CAST: variants seen among roughly 807,000 people sequenced by gnomAD.
The protein encoded by CAST is calpastatin, also known as MIR583 host.
In CAST, 76 loss-of-function variants were observed where a neutral mutation model predicts 119.6. The observed-to-expected ratio is 0.64, with a 90% CI of 0.53 to 0.77. The LOEUF is 0.77. Among genes scored for constraint, CAST ranks in the 30% least tolerant of loss-of-function variants. The pLI is 0.00. For missense variants in CAST, 953 were observed against 946.5 expected (o/e 1.01, Z -0.09); for synonymous variants, 319 against 331.6 (o/e 0.96, Z 0.41).
rs987962064 is a variant in CAST at position 96,734,282 on chromosome 5, T to G, written c.631-1890T>G. Among the ~76,000 whole-genome samples, 2 of 152,196 alleles carry G rather than the reference T, an allele frequency of 1.3e-5. 1 individual carries two copies. Among genetic ancestry groups the G allele is most frequent in the South Asian group, 4.1e-4 (2 of 4,826 alleles). ...TAAGGTGAATTTGTACATGTGGTGATTCAGCTGACAGCGGGTAGCCTTTGA... is the reference window on the plus strand; with the variant it reads ...TAAGGTGAATTTGTACATGTGGTGAGTCAGCTGACAGCGGGTAGCCTTTGA... On this transcript the variant is annotated intron_variant, in intron 9 of 31. Coordinates refer to ENST00000675179, the MANE Select transcript of CAST (RefSeq NM_001750.7).
intron 1 of CAST, among the ~76,000 whole-genome samples, chr5:96,543,079 C>T (rs1420515291): frequency 6.6e-6 from 1 of 152,144 alleles, no homozygotes; most frequent in Non-Finnish European, 1.5e-5. Context: ...AAGACACATG[C>T]ACACATATGT....
chr5:96,376,443 T>TA, the CAST span, among the ~76,000 whole-genome samples: 1 of 151,980 alleles, frequency 6.6e-6, no homozygotes, highest in African/African-American at 2.4e-5. Flanking sequence ...TTCTATTTTT[T>TA]TTTTTTTATT....
chr5:96,629,778 T>C (rs1012532063), intron 1 of CAST, among the ~76,000 whole-genome samples: 1 of 152,244 alleles, frequency 6.6e-6, no homozygotes, highest in Non-Finnish European at 1.5e-5. Flanking sequence ...CTGGGAGAAA[T>C]GTTTTCTTCA....
chr5:96,487,020 G>C, the CAST span, among the ~76,000 whole-genome samples: 1 of 152,212 alleles, frequency 6.6e-6, no homozygotes, highest in Non-Finnish European at 1.5e-5. Flanking sequence ...ACCTTAACTG[G>C]GAGTAGACTC....
intron 3 of CAST, among the ~76,000 whole-genome samples, chr5:96,709,337 C>G (rs888744515): frequency 1.1e-4 from 16 of 152,208 alleles, no homozygotes; most frequent in Non-Finnish European, 1.9e-4. Flanking sequence ...TTAGAGAATT[C>G]AATTCCTAGT....
chr5:96,763,260 C>T, intron 25 of CAST: 2 of 780,604 alleles, frequency 2.6e-6, no homozygotes, highest in South Asian at 1.3e-5. Context: ...AATGACAAAG[C>T]CCAGACCTGG....
At chr5:96,018,883 C>T in the CAST span, among the ~76,000 whole-genome samples, 4 of 152,160 alleles carry the variant, frequency 2.6e-5, no homozygotes, top group Admixed American at 1.3e-4. Context: ...TGTTAGTGTT[C>T]CATCAAGTTT....
chr5:96,589,589 G>A (rs1459657189), intron 1 of CAST, among the ~76,000 whole-genome samples: 1 of 152,058 alleles, frequency 6.6e-6, no homozygotes, highest in Non-Finnish European at 1.5e-5. Context: ...CTCTGAATCT[G>A]CATTCATTGA....
At chr5:96,410,993 G>A in the CAST span, 2 of 1,599,178 alleles carry the variant, frequency 1.3e-6, no homozygotes, top group East Asian at 4.5e-5. Flanking sequence ...TCCCCTAAAG[G>A]AAAAGCCAGA....
intron 1 of CAST, among the ~76,000 whole-genome samples, chr5:96,609,259 T>C (rs939281864): frequency 2.6e-5 from 4 of 152,246 alleles, no homozygotes; most frequent in African/African-American, 4.8e-5. Context: ...AATATCATTT[T>C]CTTTTAGAGA....
chr5:96,774,396 A>ATAAC lies in CAST; in HGVS notation c.*1784_*1787dup, dbSNP rs1249253199. On this transcript the variant is annotated 3_prime_UTR_variant, in exon 32 of 32. Transcript: ENST00000675179. ...ATCTTCGAGACTTGGGTGTTTGTTA[A>ATAAC]TAACTAATAACTGGAGTAAGCTACA... 6.4e-6 allele frequency: 3 copies of ATAAC among 469,854 alleles called. No individual in the cohort carries two copies. Among genetic ancestry groups the ATAAC allele is most frequent in the South Asian group, 9.0e-5 (1 of 11,116 alleles). The allele number at this position is 469,854 out of a possible 1,614,324, so 29.1% of individuals were successfully genotyped here. A position where few individuals can be genotyped will look rare whatever the true frequency, so the allele number is the denominator to read the frequency against.
At chr5:96,128,036 C>T in the CAST span, among the ~76,000 whole-genome samples, 2 of 152,082 alleles carry the variant, frequency 1.3e-5, no homozygotes, top group African/African-American at 4.8e-5. Context: ...AGGTAATTTC[C>T]TGTCTGGGAA....
chr5:96,453,747 A>G, the CAST span, among the ~76,000 whole-genome samples: 113 of 152,350 alleles, frequency 7.4e-4, no homozygotes, highest in Middle Eastern at 3.4e-3. Context: ...AAATGTTGAT[A>G]TATTGATCTA....
the CAST span, among the ~76,000 whole-genome samples, chr5:96,384,258 G>C: frequency 1.3e-5 from 2 of 152,144 alleles, no homozygotes; most frequent in Non-Finnish European, 2.9e-5. Context: ...CAGTGATTGT[G>C]GTGGGAACAA....
At chr5:96,388,076 G>T in the CAST span, among the ~76,000 whole-genome samples, 1 of 152,226 alleles carries the variant, frequency 6.6e-6, no homozygotes, top group Non-Finnish European at 1.5e-5. Context: ...GGAGGAGAGA[G>T]AAAGTGCTTT....
the CAST span, among the ~76,000 whole-genome samples, chr5:96,086,111 TATA>T: frequency 6.6e-6 from 1 of 152,230 alleles, no homozygotes; most frequent in Non-Finnish European, 1.5e-5. Flanking sequence ...GTAGATTGCT[TATA>T]ATATCTAATA....
the CAST span, among the ~76,000 whole-genome samples, chr5:96,259,886 T>C: frequency 7.1e-6 from 1 of 140,464 alleles, no homozygotes; most frequent in South Asian, 2.1e-4. Flanking sequence ...TTACATTGCT[T>C]TTTTTTTTTT....
At chr5:96,518,489 G>T in the CAST span, among the ~76,000 whole-genome samples, 1 of 152,222 alleles carries the variant, frequency 6.6e-6, no homozygotes, top group African/African-American at 2.4e-5. Flanking sequence ...TGAGCTTTCA[G>T]ATGAATTGAC....
intron 9 of CAST, among the ~76,000 whole-genome samples, chr5:96,731,403 A>G (rs920378361): frequency 1.3e-5 from 2 of 151,610 alleles, no homozygotes; most frequent in African/African-American, 4.8e-5. Flanking sequence ...CCAGGAATAT[A>G]AGATGAGAAG....
Sources: gnomAD v4.1 joint callset for allele counts (sites outside exome capture counted in the v4.1 genomes callset) on GRCh38, gnomAD v4.1.1 for gene constraint, MANE v1.5 for transcripts, NCBI Gene and HGNC (gene_info 2026-07-23, HGNC 2026-07-21) for gene names.